The following UMAD1 variants were observed in gnomAD, a reference collection of about 807,000 sequenced individuals.
UMAD1 encodes UBAP1-MVB12-associated (UMA) domain containing 1.
A neutral mutation model predicts 6.1 loss-of-function variants in UMAD1; 8 were observed. The observed-to-expected ratio is 1.30, with a 90% confidence interval of 0.76 to 2.35. UMAD1 has a LOEUF of 2.35. UMAD1 is among the 30% of genes most tolerant of loss of function. The pLI, the probability that UMAD1 is intolerant of heterozygous loss-of-function variation, is 0.00. For synonymous variants in UMAD1, 56 were observed against 31.4 expected (o/e 1.78, Z -2.61); for missense variants, 130 against 78.4 (o/e 1.66, Z -2.49).
intron 3 of UMAD1, among the ~76,000 whole-genome samples, chr7:7,838,047 G>C (rs950783193): frequency 4.6e-5 from 7 of 152,066 alleles, no homozygotes; most frequent in African/African-American, 1.7e-4. Flanking sequence ...GTAAAAAATG[G>C]ACAGAAACAC....
At chr7:7,696,586 T>C (rs1221520273) in intron 2 of UMAD1, among the ~76,000 whole-genome samples, 1 of 152,156 alleles carries the variant, frequency 6.6e-6, no homozygotes, top group African/African-American at 2.4e-5. Context: ...CAGTGTCAAC[T>C]GTCTGAAATT....
At chr7:7,784,167 G>A in intron 2 of UMAD1, among the ~76,000 whole-genome samples, 1 of 152,032 alleles carries the variant, frequency 6.6e-6, no homozygotes, top group East Asian at 1.9e-4. Flanking sequence ...GTGACACTGG[G>A]AACTTTTTAA....
Position 7,714,853 on chromosome 7 carries a change from CTT to C in UMAD1, c.82+41418_82+41419del, listed in dbSNP as rs1029148023. On this transcript the variant is annotated intron_variant, in intron 2 of 3. Coordinates refer to ENST00000682710, the MANE Select transcript of UMAD1 (RefSeq NM_001302348.2). ...ATGAACTGGTTGTTCAAAAATTTTT[CTT>C]TTTTTTTTTTTTTTTTTAGTTGATA... Among the ~76,000 whole-genome samples, 256 of 111,152 alleles carry C rather than the reference CTT, an allele frequency of 2.3e-3. 3 individuals carry two copies. Among genetic ancestry groups the C allele is most frequent in the African/African-American group, 8.1e-3 (244 of 30,254 alleles). The allele number at this position is 111,152 out of a possible 152,430, so 72.9% of individuals were successfully genotyped here. A position where few individuals can be genotyped will look rare whatever the true frequency, so the allele number is the denominator to read the frequency against.
chr7:7,665,643 C>T (rs183232086), intron 1 of UMAD1, among the ~76,000 whole-genome samples: 25 of 152,242 alleles, frequency 1.6e-4, no homozygotes, highest in African/African-American at 5.3e-4. Context: ...CCATCACTTC[C>T]AAGAGTTTCC....
chr7:7,761,405 A>G (rs1781887860), intron 2 of UMAD1, among the ~76,000 whole-genome samples: 1 of 151,236 alleles, frequency 6.6e-6, no homozygotes, highest in Non-Finnish European at 1.5e-5. Flanking sequence ...TTTTACTTCC[A>G]TCTGTTAGAA....
At chr7:7,855,529 A>C (rs1424233032) in intron 3 of UMAD1, among the ~76,000 whole-genome samples, 1 of 152,190 alleles carries the variant, frequency 6.6e-6, no homozygotes, top group Admixed American at 6.5e-5. Flanking sequence ...TTTTAGCCAT[A>C]GTCGGAGTGG....
At chr7:7,743,577 T>G (rs904175766) in intron 2 of UMAD1, among the ~76,000 whole-genome samples, 1 of 152,064 alleles carries the variant, frequency 6.6e-6, no homozygotes, top group Non-Finnish European at 1.5e-5. Context: ...TTTGGACTTA[T>G]AACACGTTTT....
At chr7:7,863,024 A>AG (rs1359523465) in intron 3 of UMAD1, among the ~76,000 whole-genome samples, 1 of 152,016 alleles carries the variant, frequency 6.6e-6, no homozygotes, top group Non-Finnish European at 1.5e-5. Context: ...TAATGTAAAA[A>AG]AAAAGAAATC....
At chr7:7,809,505 G>T (rs762619191) in intron 3 of UMAD1, among the ~76,000 whole-genome samples, 1 of 152,120 alleles carries the variant, frequency 6.6e-6, no homozygotes, top group South Asian at 2.1e-4. Flanking sequence ...ATTAAATCAG[G>T]CTAATTAACA....
intron 2 of UMAD1, among the ~76,000 whole-genome samples, chr7:7,677,545 TCTC>T (rs1779773162): frequency 6.6e-6 from 1 of 152,168 alleles, no homozygotes; most frequent in Non-Finnish European, 1.5e-5. Context: ...CTTTACATGA[TCTC>T]CTCTAGTACC....
At position 7,728,383 on chromosome 7, in the gene UMAD1, C is replaced by T. The variant is rs1247255279; in HGVS notation, c.82+54930C>T. Among the ~76,000 whole-genome samples, 4 of 152,288 alleles carry T rather than the reference C, an allele frequency of 2.6e-5. No individual in the cohort carries two copies. The East Asian group carries it at 5.8e-4, about 22-fold the overall frequency. On this transcript the variant is annotated intron_variant, in intron 2 of 3. Transcript: ENST00000682710. ...ATCTCAGGCCGGGCACAGTGGCTCA[C>T]ACCTGTAATCCCAGCACTTTGGGAG... is the stretch of plus-strand genomic sequence containing the variant.
intron 2 of UMAD1, among the ~76,000 whole-genome samples, chr7:7,739,713 G>GTT (rs989387738): frequency 1.3e-5 from 2 of 152,170 alleles, no homozygotes; most frequent in African/African-American, 2.4e-5. Context: ...AATGGAAACT[G>GTT]TAAGTTTATA....
intron 2 of UMAD1, among the ~76,000 whole-genome samples, chr7:7,772,051 A>G (rs1208263026): frequency 6.6e-6 from 1 of 152,204 alleles, no homozygotes; most frequent in Non-Finnish European, 1.5e-5. Context: ...TGATTAAAAA[A>G]AAATACTTTG....
At chr7:7,689,820 T>C (rs985240696) in intron 2 of UMAD1, among the ~76,000 whole-genome samples, 3 of 152,198 alleles carry the variant, frequency 2.0e-5, no homozygotes, top group African/African-American at 7.2e-5. Context: ...AGAAATGTTG[T>C]GCATTTTGGA....
intron 2 of UMAD1, among the ~76,000 whole-genome samples, chr7:7,782,410 G>A (rs1782363750): frequency 6.6e-6 from 1 of 152,058 alleles, no homozygotes; most frequent in Non-Finnish European, 1.5e-5. Context: ...CAGTATTTGT[G>A]TCAGGGGTTG....
chr7:7,737,275 C>A (rs543759023), intron 2 of UMAD1, among the ~76,000 whole-genome samples: 2 of 152,272 alleles, frequency 1.3e-5, no homozygotes, highest in African/African-American at 4.8e-5. Context: ...TTTTCTCAGC[C>A]GTGAAACAAG....
chr7:7,782,672 T>C (rs10272400), intron 2 of UMAD1, among the ~76,000 whole-genome samples: 62,728 of 151,312 alleles, frequency 0.41, 13,556 homozygotes, highest in East Asian at 0.58. Flanking sequence ...TTAATCCACG[T>C]TATTGACCGT....
chr7:7,838,099 A>G (rs926545308), intron 3 of UMAD1, among the ~76,000 whole-genome samples: 1 of 152,206 alleles, frequency 6.6e-6, no homozygotes, highest in African/African-American at 2.4e-5. Context: ...GGAGGTTGGA[A>G]TCTACTTCTT....
intron 1 of UMAD1, among the ~76,000 whole-genome samples, chr7:7,670,403 A>T (rs1779577073): frequency 6.6e-6 from 1 of 152,208 alleles, no homozygotes; most frequent in Non-Finnish European, 1.5e-5. Context: ...GGCACAGTGA[A>T]CAAGGCAAGT....
Sources: gnomAD v4.1 joint callset for allele counts (sites outside exome capture counted in the v4.1 genomes callset) on GRCh38, gnomAD v4.1.1 for gene constraint, MANE v1.5 for transcripts, NCBI Gene and HGNC (gene_info 2026-07-23, HGNC 2026-07-21) for gene names.